The following FBXO15 variants were observed in gnomAD, a reference collection of about 807,000 sequenced individuals.
FBXO15 encodes F-box only protein 15.
A neutral mutation model predicts 49.5 loss-of-function variants in FBXO15; 30 were observed. The ratio of observed to expected loss-of-function variants is 0.61; its 90% CI spans 0.45 to 0.82. FBXO15 has a LOEUF of 0.82. Ranked by LOEUF, FBXO15 falls within the 40% of genes least tolerant of loss-of-function variation. FBXO15 has a pLI of 0.00. For missense variants in FBXO15, 591 were observed against 631.5 expected (o/e 0.94, Z 0.69); for synonymous variants, 250 against 232.7 (o/e 1.07, Z -0.68).
intron 8 of FBXO15, among the ~76,000 whole-genome samples, chr18:74,093,905 A>T (rs996533134): frequency 2.6e-4 from 40 of 152,360 alleles, no homozygotes; most frequent in African/African-American, 9.6e-4. Context: ...CCATCTCTGG[A>T]AACTATAGAC....
At chr18:74,144,516 T>C (rs1294922358) in intron 1 of FBXO15, among the ~76,000 whole-genome samples, 1 of 152,112 alleles carries the variant, frequency 6.6e-6, no homozygotes, top group Non-Finnish European at 1.5e-5. Flanking sequence ...AAGGCATTCC[T>C]AGCAACAGAA....
intron 8 of FBXO15, among the ~76,000 whole-genome samples, chr18:74,093,519 G>A (rs1321045487): frequency 6.6e-6 from 1 of 152,190 alleles, no homozygotes; most frequent in Non-Finnish European, 1.5e-5. Context: ...GGGTGCTCAG[G>A]TGAGTCTGGC....
rs190547423 is a variant in FBXO15 at position 74,130,596 on chromosome 18, T to C, written c.395A>G (p.Asn132Ser). ...AGACATAGCTATCTTCTCTACTGAA[T>C]TAAATTTCCAATTTGATCTTGCAGG... is the stretch of plus-strand genomic sequence containing the variant. ...FSPARSNWKF[N>S]SVEKIAMSMS... Residue 132 changes from asparagine (N) to serine (S), a missense_variant, in exon 4 of 10, where the codon AAT (asparagine) becomes AGT (serine). Coordinates refer to ENST00000419743, the MANE Select transcript of FBXO15 (RefSeq NM_001142958.2). 3.7e-6 allele frequency: 6 copies of C among 1,614,156 alleles called. No homozygotes were observed. In the Admixed American group the frequency reaches 1.0e-4, roughly 27 times the overall value.
In FBXO15 at chr18:74,135,756, G is replaced by A. The variant is rs1276722584; in HGVS notation, c.332+6C>T. ...AAACATAACAGAGACTTGGATTTCT[G>A]CTTACTTGTCATTGGCTAGATGATA... On this transcript the variant is annotated splice_donor_region_variant and intron_variant, in intron 3 of 9. Transcript: ENST00000419743. 3 of 1,592,222 alleles carry A rather than the reference G, an allele frequency of 1.9e-6. No individual in the cohort carries two copies. The highest frequency in any genetic ancestry group is 1.2e-5 in the South Asian group (1 of 85,626).
intron 8 of FBXO15, among the ~76,000 whole-genome samples, chr18:74,101,478 T>C (rs965513600): frequency 1.3e-5 from 2 of 152,012 alleles, no homozygotes; most frequent in South Asian, 2.1e-4. Flanking sequence ...CACAAACAAA[T>C]GAAAACACAT....
rs1978310953 is a variant in FBXO15, at chr18:74,129,404, C to T, written c.785+1G>A. 6.2e-7 allele frequency: 1 copy of T among 1,613,456 alleles called. No individual in the cohort carries two copies. The highest frequency in any genetic ancestry group is 8.5e-7 in the Non-Finnish European group (1 of 1,179,590). ...CAACAGTTCTGCTGATTGGTACTTA[C>T]CTATGTTTGGTGGGAGTTTTATACC... On this transcript the variant is annotated splice_donor_variant, in intron 5 of 9. Transcript: ENST00000419743. LOFTEE classifies it high-confidence loss of function.
At chr18:74,122,109 G>A (rs544282197) in intron 8 of FBXO15, among the ~76,000 whole-genome samples, 18 of 152,224 alleles carry the variant, frequency 1.2e-4, no homozygotes, top group Middle Eastern at 3.4e-3. Flanking sequence ...AGGTAACTGC[G>A]CCATGCCTGA....
intron 3 of FBXO15, among the ~76,000 whole-genome samples, chr18:74,134,295 T>C (rs1350469787): frequency 2.6e-5 from 4 of 151,950 alleles, no homozygotes; most frequent in African/African-American, 9.7e-5. Context: ...TTAAGTGGCA[T>C]ACACCTAACA....
At chr18:74,113,810 A>C (rs1914125799) in intron 8 of FBXO15, among the ~76,000 whole-genome samples, 1 of 152,242 alleles carries the variant, frequency 6.6e-6, no homozygotes, top group Non-Finnish European at 1.5e-5. Context: ...ACATTTCTTC[A>C]TACTTTGCAT....
At chr18:74,102,443 A>G (rs1913565129) in intron 8 of FBXO15, among the ~76,000 whole-genome samples, 1 of 152,122 alleles carries the variant, frequency 6.6e-6, no homozygotes, top group Non-Finnish European at 1.5e-5. Context: ...TAATCAAAAA[A>G]TCAAAACATA....
At chr18:74,131,625 C>A (rs1445828986) in intron 3 of FBXO15, among the ~76,000 whole-genome samples, 1 of 152,204 alleles carries the variant, frequency 6.6e-6, no homozygotes, top group East Asian at 1.9e-4. Flanking sequence ...GGCCTGAGAG[C>A]TCCTCCCTCT....
chr18:74,138,302 A>G (rs1169064051), intron 2 of FBXO15, among the ~76,000 whole-genome samples: 1 of 152,202 alleles, frequency 6.6e-6, no homozygotes, highest in Non-Finnish European at 1.5e-5. Context: ...CGCAAGTAGG[A>G]AAATGAGCGG....
chr18:74,136,332 C>T (rs991637697), intron 2 of FBXO15, among the ~76,000 whole-genome samples: 6 of 152,274 alleles, frequency 3.9e-5, no homozygotes, highest in East Asian at 1.9e-4. Context: ...AGGCGCACGC[C>T]GCCAAGCCTG....
intron 9 of FBXO15, chr18:74,076,343 G>A (rs1206647988): frequency 6.6e-6 from 1 of 152,274 alleles, no homozygotes; most frequent in Non-Finnish European, 1.5e-5. Context: ...TCTAGGAGGT[G>A]ATTAGGTCAC....
At position 74,123,450 on chromosome 18, in the gene FBXO15, G is replaced by A. The variant is rs573445550; in HGVS notation, c.1056C>T (p.His352=). The change falls in exon 8 of 10, where the codon CAC becomes CAT. Residue 352 remains histidine, a synonymous_variant. Coordinates refer to ENST00000419743, the MANE Select transcript of FBXO15 (RefSeq NM_001142958.2). The part of the protein sequence containing the change: ...FLDDSPEYGL[H]GYQLHVDLHS... ...GCAGATCAACATGGAGTTGGTAGCC[G>A]TGCAGTCCATACTCGGGGCTATCAT... 49 of 1,613,866 alleles carry A rather than the reference G, an allele frequency of 3.0e-5. No homozygotes were observed. The highest frequency in any genetic ancestry group is 2.4e-4 in the African/African-American group (18 of 75,008).
chr18:74,146,129 C>T (rs1979396018), intron 1 of FBXO15, among the ~76,000 whole-genome samples: 1 of 152,062 alleles, frequency 6.6e-6, no homozygotes, highest in African/African-American at 2.4e-5. Context: ...AAATATCTGG[C>T]AAATCAAATA....
At chr18:74,078,163 G>C (rs764859734) in intron 9 of FBXO15, among the ~76,000 whole-genome samples, 1 of 152,146 alleles carries the variant, frequency 6.6e-6, no homozygotes, top group Non-Finnish European at 1.5e-5. Context: ...GCCAGATCAA[G>C]AGCTGGGAGC....
At chr18:74,092,080 G>T (rs1408136390) in intron 8 of FBXO15, among the ~76,000 whole-genome samples, 1 of 151,946 alleles carries the variant, frequency 6.6e-6, no homozygotes, top group African/African-American at 2.4e-5. Context: ...CATTCTTCTT[G>T]TTTTTTCCTT....
intron 3 of FBXO15, among the ~76,000 whole-genome samples, chr18:74,131,501 G>A (rs545653272): frequency 2.0e-5 from 3 of 152,298 alleles, no homozygotes; most frequent in Middle Eastern, 3.4e-3. Context: ...CAAATTCAGA[G>A]AGCCAATAAG....
Sources: gnomAD v4.1 joint callset for allele counts (sites outside exome capture counted in the v4.1 genomes callset) on GRCh38, gnomAD v4.1.1 for gene constraint, MANE v1.5 for transcripts, NCBI Gene and HGNC (gene_info 2026-07-23, HGNC 2026-07-21) for gene names.